Variants in CHODL observed in about 807,000 individuals in gnomAD.
CHODL encodes transmembrane protein MT75.
CHODL carries 29 observed loss-of-function variants against 34.5 expected under a neutral mutation model. The ratio of observed to expected loss-of-function variants is 0.84; its 90% CI spans 0.63 to 1.15. The LOEUF is 1.15. Among genes scored for constraint, CHODL ranks in the 50% most tolerant of loss-of-function variants. The pLI is 0.00. For synonymous variants in CHODL, 125 were observed against 116.1 expected, an observed-to-expected ratio of 1.08 and a Z score of -0.49; for missense variants, 332 against 332.5, an observed-to-expected ratio of 1.00 and a Z score of 0.01.
intron 2 of CHODL, among the ~76,000 whole-genome samples, chr21:18,049,761 A>G (rs1371024699): frequency 6.6e-6 from 1 of 151,984 alleles, no homozygotes; most frequent in Non-Finnish European, 1.5e-5. Flanking sequence ...GACCAACACT[A>G]ACAGCCTCAT....
At position 18,093,933 on chromosome 21, in the gene CHODL, T is replaced by C. The variant is rs976651267; in HGVS notation, c.-45+65962T>C. On this transcript the variant is annotated intron_variant, in intron 2 of 6. Transcript: ENST00000400127. Reference sequence around the variant, plus strand: ...GACTAAACTCTCCAATAAAAAGACATACACTTGCTGAATGGAAGATCCAAT... The same window carrying C: ...GACTAAACTCTCCAATAAAAAGACACACACTTGCTGAATGGAAGATCCAAT... Among the ~76,000 whole-genome samples, 6 of 151,888 alleles carry C rather than the reference T, an allele frequency of 4.0e-5. No individual in the cohort carries two copies. In the East Asian group the frequency reaches 7.7e-4, roughly 20 times the overall value.
chr21:18,230,290 T>C (rs2073967379), intron 2 of CHODL, among the ~76,000 whole-genome samples: 1 of 152,154 alleles, frequency 6.6e-6, no homozygotes, highest in Non-Finnish European at 1.5e-5. Flanking sequence ...ATTCAAATTT[T>C]AGGCCACAGA....
chr21:18,235,652 T>C (rs923950937), intron 2 of CHODL, among the ~76,000 whole-genome samples: 3 of 152,126 alleles, frequency 2.0e-5, no homozygotes, highest in Non-Finnish European at 4.4e-5. Flanking sequence ...CTGTCACACA[T>C]GCAGCCAACT....
chr21:18,249,030 A>AAT (rs1360050317), intron 1 of CHODL, among the ~76,000 whole-genome samples: 3 of 118,646 alleles, frequency 2.5e-5, no homozygotes, highest in East Asian at 4.4e-4. Context: ...ACATAATATT[A>AAT]ATATATATAA....
chr21:17,950,468 C>T (rs959250269), intron 1 of CHODL, among the ~76,000 whole-genome samples: 1 of 148,548 alleles, frequency 6.7e-6, no homozygotes, highest in Non-Finnish European at 1.5e-5. Context: ...AGCCTATGGT[C>T]CCATCATAAC....
At chr21:17,944,544 C>T (rs958832692) in intron 1 of CHODL, among the ~76,000 whole-genome samples, 1 of 152,182 alleles carries the variant, frequency 6.6e-6, no homozygotes, top group Non-Finnish European at 1.5e-5. Context: ...GTCTCACCTG[C>T]CCAGATAAGT....
At chr21:17,934,237 A>T (rs555436904) in intron 1 of CHODL, among the ~76,000 whole-genome samples, 130 of 151,464 alleles carry the variant, frequency 8.6e-4, no homozygotes, top group African/African-American at 2.9e-3. Context: ...ATAAAAATAA[A>T]AAAAAAAAAC....
intron 2 of CHODL, among the ~76,000 whole-genome samples, chr21:18,186,194 C>T (rs1390534795): frequency 2.0e-5 from 3 of 152,108 alleles, no homozygotes; most frequent in Non-Finnish European, 4.4e-5. Flanking sequence ...GCTCTAGCAG[C>T]ACTTAGCTCA....
chr21:18,264,918 G>C (rs2074433576), intron 5 of CHODL, among the ~76,000 whole-genome samples: 1 of 152,006 alleles, frequency 6.6e-6, no homozygotes, highest in Admixed American at 6.5e-5. Flanking sequence ...AGAAGCGATG[G>C]GAGGAGGGGA....
At chr21:18,090,871 C>A (rs2065065153) in intron 2 of CHODL, among the ~76,000 whole-genome samples, 2 of 152,118 alleles carry the variant, frequency 1.3e-5, no homozygotes, top group South Asian at 2.1e-4. Flanking sequence ...CAGTAAAGCA[C>A]CACCACAAGA....
intron 1 of CHODL, among the ~76,000 whole-genome samples, chr21:18,255,457 C>T (rs2146809716): frequency 6.6e-6 from 1 of 152,160 alleles, no homozygotes; most frequent in East Asian, 1.9e-4. Flanking sequence ...AGTAGAGCCT[C>T]TAAAGCTGAG....
intron 2 of CHODL, among the ~76,000 whole-genome samples, chr21:18,159,507 A>C (rs1044577285): frequency 6.6e-6 from 1 of 152,214 alleles, no homozygotes; most frequent in African/African-American, 2.4e-5. Flanking sequence ...ATACGAACTC[A>C]TGACTTAATT....
chr21:18,181,090 T>G (rs1199929207), intron 2 of CHODL, among the ~76,000 whole-genome samples: 1 of 152,132 alleles, frequency 6.6e-6, no homozygotes, highest in African/African-American at 2.4e-5. Flanking sequence ...GTACTTGTTA[T>G]TATTTCTTTT....
At chr21:18,190,573 T>G (rs950344706) in intron 2 of CHODL, among the ~76,000 whole-genome samples, 2 of 152,320 alleles carry the variant, frequency 1.3e-5, no homozygotes, top group East Asian at 3.9e-4. Flanking sequence ...AGCACATTAT[T>G]TAGTAGCAGA....
At chr21:18,223,708 A>G (rs1295366358) in intron 2 of CHODL, among the ~76,000 whole-genome samples, 1 of 152,176 alleles carries the variant, frequency 6.6e-6, no homozygotes. Flanking sequence ...GGCATAATTA[A>G]AAAAAGGAGA....
chr21:18,047,121 C>T (rs374122064), intron 2 of CHODL, among the ~76,000 whole-genome samples: 325 of 152,088 alleles, frequency 2.1e-3, no homozygotes, highest in African/African-American at 7.4e-3. Flanking sequence ...CTACTTTAAT[C>T]TTGGCTCAAA....
chr21:18,163,662 A>G (rs2824671), intron 2 of CHODL, among the ~76,000 whole-genome samples: 62,732 of 152,094 alleles, frequency 0.41, 13,387 homozygotes, highest in African/African-American at 0.52. Context: ...GGTTTGCATT[A>G]TAGTACATTT....
intron 1 of CHODL, among the ~76,000 whole-genome samples, chr21:17,943,284 C>A (rs2063380643): frequency 6.6e-6 from 1 of 152,170 alleles, no homozygotes; most frequent in African/African-American, 2.4e-5. Context: ...GGAAGAAATT[C>A]TGCTCTATGG....
intron 2 of CHODL, among the ~76,000 whole-genome samples, chr21:18,177,868 C>G (rs1319899572): frequency 6.6e-6 from 1 of 152,068 alleles, no homozygotes; most frequent in Admixed American, 6.5e-5. Flanking sequence ...CAGGAATAAA[C>G]TTGAGTTTAT....
Sources: allele counts gnomAD v4.1 joint callset (sites outside exome capture counted in the v4.1 genomes callset), GRCh38; gene constraint gnomAD v4.1.1; transcripts MANE v1.5; gene names NCBI Gene and HGNC (gene_info 2026-07-23, HGNC 2026-07-21).